The following RIN2 variants were observed in gnomAD, a reference collection of about 807,000 sequenced individuals.
RIN2 encodes the protein RAB5 interacting protein 2.
Under a neutral mutation model 78.0 loss-of-function variants are expected in RIN2, and 36 were observed. The ratio of observed to expected loss-of-function variants is 0.46; its 90% confidence interval spans 0.35 to 0.61. The LOEUF (loss-of-function observed/expected upper bound fraction) is 0.61. Among genes scored for constraint, RIN2 ranks in the 20% least tolerant of loss-of-function variants. The pLI is 0.00. For synonymous variants in RIN2, 466 were observed against 466.8 expected (o/e 1.00, Z 0.02); for missense variants, 1,087 against 1,159.7 (o/e 0.94, Z 0.91).
At chr20:19,787,423 A>G (rs914722633) in intron 1 of RIN2, among the ~76,000 whole-genome samples, 5 of 91,382 alleles carry the variant, frequency 5.5e-5, no homozygotes, top group Non-Finnish European at 1.1e-4. Flanking sequence ...ACTCCATCTT[A>G]AAAAAAAAAA....
chr20:20,000,808 C>G lies in RIN2; in HGVS notation c.2560C>G (p.Gln854Glu). Residue 854 changes from glutamine (Q) to glutamate (E), a missense_variant, in exon 13 of 13, where the codon CAA becomes GAA. Gln to Glu is a conservative substitution (Grantham distance 29). Around this residue, in one of 8 missense-constraint regions of RIN2, gnomAD observed 160 missense variants for 179.4 expected, o/e 0.89. Transcript: ENST00000255006. ...WQQLAEDTYP[Q>E]KIKAELHSRP... ...GCAGCTGGCAGAGGACACTTACCCTCAAAAAATCAAGGCGGAGCTGCACAG... is the reference window on the plus strand; with the variant it reads ...GCAGCTGGCAGAGGACACTTACCCTGAAAAAATCAAGGCGGAGCTGCACAG... 1.9e-6 allele frequency: 3 copies of G among 1,613,956 alleles called. No individual in the cohort carries two copies. Among genetic ancestry groups the G allele is most frequent in the Non-Finnish European group, 2.5e-6 (3 of 1,179,888 alleles).
intron 12 of RIN2, 144 bp from the exon 13 acceptor site, chr20:20,000,469 T>TA: frequency 1.6e-6 from 1 of 639,338 alleles, no homozygotes; most frequent in African/African-American, 1.8e-5. Context: ...TCCTTGCCAT[T>TA]CGAAGCCTCG....
At chr20:19,851,062 A>G in intron 2 of RIN2, among the ~76,000 whole-genome samples, 1 of 126,050 alleles carries the variant, frequency 7.9e-6, no homozygotes, top group Non-Finnish European at 1.7e-5. Flanking sequence ...GAAAGAAAGG[A>G]AGGAAGGAAG....
intron 2 of RIN2, among the ~76,000 whole-genome samples, chr20:19,859,749 A>G (rs1163070627): frequency 6.6e-6 from 1 of 152,200 alleles, no homozygotes; most frequent in Non-Finnish European, 1.5e-5. Flanking sequence ...TGACAGCTCA[A>G]ACTCAACAAT....
chr20:19,935,478 C>T (rs905311755), intron 4 of RIN2: 17 of 1,193,620 alleles, frequency 1.4e-5, no homozygotes, highest in African/African-American at 3.1e-5. Flanking sequence ...TATCCACCTA[C>T]TCCCAATGAT....
At chr20:19,992,576 A>G (rs1054838272) in intron 11 of RIN2, among the ~76,000 whole-genome samples, 1 of 152,230 alleles carries the variant, frequency 6.6e-6, no homozygotes, top group African/African-American at 2.4e-5. Flanking sequence ...AAAAGAGTGT[A>G]CTAACCTTTT....
At chr20:19,851,015 AAGG>A (rs2036945531) in intron 2 of RIN2, among the ~76,000 whole-genome samples, 1 of 103,794 alleles carries the variant, frequency 9.6e-6, no homozygotes, top group African/African-American at 4.1e-5. Context: ...GGAAGGAAGG[AAGG>A]AAGGAAGGAA....
At chr20:19,922,724 G>A (rs1412262022) in intron 3 of RIN2, among the ~76,000 whole-genome samples, 1 of 152,150 alleles carries the variant, frequency 6.6e-6, no homozygotes, top group Admixed American at 6.5e-5. Context: ...TGCCCATGGG[G>A]ACCATAAGGT....
At chr20:19,885,263 T>C (rs539975286) in intron 2 of RIN2, among the ~76,000 whole-genome samples, 148 of 152,234 alleles carry the variant, frequency 9.7e-4, no homozygotes, top group African/African-American at 3.5e-3. Context: ...GAGAAGAGAT[T>C]GGGCCGATGT....
At chr20:19,960,370 T>G (rs1244206778) in intron 5 of RIN2, among the ~76,000 whole-genome samples, 1 of 152,202 alleles carries the variant, frequency 6.6e-6, no homozygotes, top group Non-Finnish European at 1.5e-5. Context: ...CTACAGAATA[T>G]AACTCATATA....
intron 2 of RIN2, among the ~76,000 whole-genome samples, chr20:19,832,018 C>G (rs1346714958): frequency 1.3e-5 from 2 of 152,006 alleles, no homozygotes; most frequent in African/African-American, 4.8e-5. Flanking sequence ...CGCCATGTAC[C>G]TGGCAGTGTT....
intron 1 of RIN2, among the ~76,000 whole-genome samples, chr20:19,768,891 ATTC>A (rs2034001788): frequency 6.7e-6 from 1 of 150,094 alleles, no homozygotes; most frequent in Non-Finnish European, 1.5e-5. Flanking sequence ...ATATATAAAT[ATTC>A]TTCTTGGAAA....
At chr20:19,863,168 T>A (rs1350845827) in intron 2 of RIN2, among the ~76,000 whole-genome samples, 2 of 152,246 alleles carry the variant, frequency 1.3e-5, no homozygotes, top group Non-Finnish European at 2.9e-5. Context: ...ATGTGCAGCC[T>A]GTCATTTATG....
intron 5 of RIN2, among the ~76,000 whole-genome samples, chr20:19,958,348 C>T (rs530533144): frequency 6.6e-6 from 1 of 152,386 alleles, no homozygotes; most frequent in Non-Finnish European, 1.5e-5. Context: ...TGCATTTCTG[C>T]AAAACATTCC....
chr20:19,967,025 G>T (rs1430854587), intron 7 of RIN2, among the ~76,000 whole-genome samples: 4 of 152,190 alleles, frequency 2.6e-5, no homozygotes, highest in African/African-American at 9.7e-5. Flanking sequence ...TTGGCCAGGG[G>T]TGAAGCCAGC....
intron 2 of RIN2, 109 bp from the exon 3 acceptor site, chr20:19,889,457 G>A (rs920061316): frequency 1.7e-6 from 2 of 1,210,758 alleles, no homozygotes; most frequent in South Asian, 1.5e-5. Context: ...ATGGCACTGT[G>A]TTGTTGACGG....
chr20:19,980,713 C>T (rs1382469975), intron 9 of RIN2, among the ~76,000 whole-genome samples: 1 of 152,152 alleles, frequency 6.6e-6, no homozygotes, highest in East Asian at 1.9e-4. Flanking sequence ...TATGTTTTTC[C>T]ACCCCTCCAC....
chr20:19,830,246 C>T (rs1415393552), intron 2 of RIN2, among the ~76,000 whole-genome samples: 1 of 150,428 alleles, frequency 6.6e-6, no homozygotes. Flanking sequence ...CTGCTGGTTT[C>T]TCTAACTAGC....
At chr20:19,891,810 C>T (rs928428134) in intron 3 of RIN2, among the ~76,000 whole-genome samples, 2 of 152,046 alleles carry the variant, frequency 1.3e-5, no homozygotes, top group Non-Finnish European at 2.9e-5. Context: ...GCCTGGGCAA[C>T]AGAGCAAGAC....
Sources: allele counts gnomAD v4.1 joint callset (sites outside exome capture counted in the v4.1 genomes callset), GRCh38; gene constraint gnomAD v4.1.1; regional missense constraint gnomAD v4.1.1; transcripts MANE v1.5; gene names NCBI Gene and HGNC (gene_info 2026-07-23, HGNC 2026-07-21).